LUZP2: variants seen among roughly 807,000 people sequenced by gnomAD.
LUZP2 encodes leucine zipper protein 2.
LUZP2 carries 52 observed loss-of-function variants against 51.6 expected under a neutral mutation model. That is an observed-to-expected ratio of 1.01 (90% confidence interval 0.81 to 1.27). The LOEUF (loss-of-function observed/expected upper bound fraction) is 1.27, where lower values mean the gene tolerates loss of function less well. Ranked by LOEUF, LUZP2 falls within the 50% of genes most tolerant of loss-of-function variation. The probability of loss-of-function intolerance (pLI) is 0.00; values close to 1 mark genes in which losing one functional copy is unlikely to be tolerated. For missense variants in LUZP2, 436 were observed against 395.4 expected (o/e 1.10, Z -0.87); for synonymous variants, 154 against 137.3 (o/e 1.12, Z -0.85).
chr11:25,020,724 T>C (rs1857307689), intron 9 of LUZP2, among the ~76,000 whole-genome samples: 1 of 152,114 alleles, frequency 6.6e-6, no homozygotes, highest in Non-Finnish European at 1.5e-5. Flanking sequence ...ATTTTTTTGA[T>C]GCCTTTTACA....
At chr11:24,784,300 T>G (rs1849176207) in intron 5 of LUZP2, among the ~76,000 whole-genome samples, 1 of 151,886 alleles carries the variant, frequency 6.6e-6, no homozygotes, top group South Asian at 2.1e-4. Flanking sequence ...CCATTAATGT[T>G]GAAAAATACT....
chr11:24,775,102 G>T (rs2134061766), intron 5 of LUZP2, among the ~76,000 whole-genome samples: 1 of 151,958 alleles, frequency 6.6e-6, no homozygotes, highest in African/African-American at 2.4e-5. Flanking sequence ...AATATAACCT[G>T]GAAAGGGGGA....
chr11:24,999,381 G>A (rs1371023238), intron 9 of LUZP2, among the ~76,000 whole-genome samples: 1 of 150,158 alleles, frequency 6.7e-6, no homozygotes, highest in African/African-American at 2.5e-5. Context: ...GAAGGAGGAG[G>A]AGCAGGAAGA....
chr11:24,931,908 G>A (rs913711485), intron 7 of LUZP2, among the ~76,000 whole-genome samples: 1 of 152,106 alleles, frequency 6.6e-6, no homozygotes, highest in Non-Finnish European at 1.5e-5. Flanking sequence ...AAGATCTGGG[G>A]TTCAGGGGTT....
chr11:24,757,984 T>G (rs1859836262), intron 4 of LUZP2, among the ~76,000 whole-genome samples: 1 of 152,108 alleles, frequency 6.6e-6, no homozygotes, highest in Admixed American at 6.6e-5. Flanking sequence ...TACCTAATTT[T>G]CAATGACCAA....
chr11:24,722,593 C>T (rs1280530202), intron 1 of LUZP2, among the ~76,000 whole-genome samples: 1 of 152,048 alleles, frequency 6.6e-6, no homozygotes, highest in African/African-American at 2.4e-5. Context: ...ATATTATCAA[C>T]AACTCTTCAT....
chr11:24,707,307 CGTGT>C (rs58713202), intron 1 of LUZP2, among the ~76,000 whole-genome samples: 1 of 147,524 alleles, frequency 6.8e-6, no homozygotes, highest in African/African-American at 2.5e-5. Context: ...TCTGTGTGTG[CGTGT>C]GTGTGTGTGT....
intron 9 of LUZP2, among the ~76,000 whole-genome samples, chr11:24,986,514 C>T (rs1856191949): frequency 6.8e-6 from 1 of 146,150 alleles, no homozygotes; most frequent in South Asian, 2.2e-4. Context: ...TCCTAACCCA[C>T]AGAGCTAGTG....
rs868275424 is a variant in LUZP2 at position 24,779,781 on chromosome 11, C to G, written c.396+16473C>G. Among the ~76,000 whole-genome samples, 14 of 152,110 alleles carry G rather than the reference C, an allele frequency of 9.2e-5. No homozygotes were observed. In the South Asian group the frequency reaches 2.9e-3, roughly 31 times the overall value. On this transcript the variant is annotated intron_variant, in intron 5 of 11. Coordinates refer to ENST00000336930, the MANE Select transcript of LUZP2 (RefSeq NM_001009909.4). ...TTATCCTGGATAATTTCAGTAGACC[C>G]TAAATGTAATCACAACTGTCTTTAT...
At chr11:24,948,361 A>G (rs1423532169) in intron 7 of LUZP2, among the ~76,000 whole-genome samples, 1 of 145,438 alleles carries the variant, frequency 6.9e-6, no homozygotes, top group Non-Finnish European at 1.5e-5. Flanking sequence ...TATTTTCTTT[A>G]GTATTTTGAA....
chr11:24,874,708 G>C (rs1039887363), intron 5 of LUZP2, among the ~76,000 whole-genome samples: 1 of 152,178 alleles, frequency 6.6e-6, no homozygotes, highest in Admixed American at 6.6e-5. Flanking sequence ...GACTCATGGA[G>C]TGTGGGGCAC....
Position 24,996,981 on chromosome 11 carries a change from G to T in LUZP2, c.765+13688G>T, listed in dbSNP as rs1392461535. 4.7e-5 allele frequency among the ~76,000 whole-genome samples: 7 copies of T among 150,284 alleles called. No individual in the cohort carries two copies. The Admixed American group carries it at 4.7e-4, about 10-fold the overall frequency. On this transcript the variant is annotated intron_variant, in intron 9 of 11. Transcript: ENST00000336930. ...TTTTATGGCTGCATAGTATTCCATG[G>T]TGTATATGTGCCACATTTTCTTAAT...
chr11:24,645,769 CTGAG>C (rs1855443508), intron 1 of LUZP2, among the ~76,000 whole-genome samples: 1 of 151,912 alleles, frequency 6.6e-6, no homozygotes, highest in Non-Finnish European at 1.5e-5. Flanking sequence ...CAGTTACATC[CTGAG>C]TGAGTAATTA....
At chr11:24,908,701 T>A (rs958910752) in intron 6 of LUZP2, among the ~76,000 whole-genome samples, 2 of 152,008 alleles carry the variant, frequency 1.3e-5, no homozygotes, top group Non-Finnish European at 2.9e-5. Flanking sequence ...ATTCTTTGCA[T>A]AATCTTTCCT....
At position 24,893,973 on chromosome 11, in the gene LUZP2, T is replaced by G. The variant is rs188594677; in HGVS notation, c.397-12018T>G. Among the ~76,000 whole-genome samples, 11 of 152,268 alleles carry G rather than the reference T, an allele frequency of 7.2e-5. No individual in the cohort carries two copies. The East Asian group carries it at 2.1e-3, about 29-fold the overall frequency. ...TATATAATTTTGATTGTACATTCTG[T>G]GTTTCAATTGTTTATTTTCATATCT... On this transcript the variant is annotated intron_variant, in intron 5 of 11. Coordinates refer to ENST00000336930, the MANE Select transcript of LUZP2 (RefSeq NM_001009909.4).
At chr11:24,923,304 T>C (rs1854129300) in intron 7 of LUZP2, among the ~76,000 whole-genome samples, 1 of 152,158 alleles carries the variant, frequency 6.6e-6, no homozygotes, top group South Asian at 2.1e-4. Flanking sequence ...AAAATCAAAA[T>C]CTTCGGTCCC....
intron 5 of LUZP2, among the ~76,000 whole-genome samples, chr11:24,797,352 T>A (rs543257068): frequency 1.3e-5 from 2 of 152,296 alleles, no homozygotes; most frequent in East Asian, 3.9e-4. Context: ...GCCAGGAAGA[T>A]GATGAAGGCA....
chr11:24,950,554 G>A (rs914069440), intron 7 of LUZP2, among the ~76,000 whole-genome samples: 2 of 151,554 alleles, frequency 1.3e-5, no homozygotes, highest in Admixed American at 6.6e-5. Context: ...GTAAGGATAA[G>A]CTAGTGACAT....
At chr11:24,604,589 A>G (rs1478480817) in intron 1 of LUZP2, among the ~76,000 whole-genome samples, 1 of 151,918 alleles carries the variant, frequency 6.6e-6, no homozygotes, top group Non-Finnish European at 1.5e-5. Context: ...CTAAAAGCAT[A>G]GGGACAGCAG....
Sources: gnomAD v4.1 joint callset for allele counts (sites outside exome capture counted in the v4.1 genomes callset) on GRCh38, gnomAD v4.1.1 for gene constraint, MANE v1.5 for transcripts, NCBI Gene and HGNC (gene_info 2026-07-23, HGNC 2026-07-21) for gene names.